Variants in FRY observed in about 807,000 individuals in gnomAD.
FRY encodes protein furry homolog.
Under a neutral mutation model 348.4 loss-of-function variants are expected in FRY, and 128 were observed. The observed-to-expected ratio is 0.37, with a 90% CI of 0.32 to 0.43. The LOEUF (loss-of-function observed/expected upper bound fraction) is 0.43. Ranked by LOEUF, FRY falls within the 20% of genes least tolerant of loss-of-function variation. FRY has a pLI of 1.00. For missense variants in FRY, 2,736 were observed against 3,695.2 expected, an observed-to-expected ratio of 0.74 and a Z score of 6.73; for synonymous variants, 1,370 against 1,374.7, an observed-to-expected ratio of 1.00 and a Z score of 0.08.
intron 7 of FRY, among the ~76,000 whole-genome samples, chr13:32,129,586 T>C (rs532091526): frequency 4.4e-4 from 67 of 152,292 alleles, no homozygotes; most frequent in African/African-American, 1.5e-3. Flanking sequence ...GGGTATTCTG[T>C]AGAAGTCCAC....
chr13:32,034,920 A>T (rs1872430713), intron 1 of FRY, among the ~76,000 whole-genome samples: 1 of 152,242 alleles, frequency 6.6e-6, no homozygotes, highest in South Asian at 2.1e-4. Context: ...TAAAAATGGC[A>T]GGGCCAAATG....
chr13:32,225,928 G>A lies in FRY; in HGVS notation c.5160G>A (p.Lys1720=). 2 of 1,614,142 alleles carry A rather than the reference G, an allele frequency of 1.2e-6. No homozygotes were observed. The highest frequency in any genetic ancestry group is 4.5e-5 in the East Asian group (2 of 44,884). The change falls in exon 39 of 61, where the codon AAG becomes AAA. Residue 1720 remains lysine, a synonymous_variant. Coordinates refer to ENST00000542859, the MANE Select transcript of FRY (RefSeq NM_023037.3). ...LLQTREMGEA[K]TLTVQPAYQP... Reference sequence around the variant, plus strand: ...AGACCCGAGAGATGGGTGAAGCTAAGACTCTAACCGTGCAGCCAGCCTACC... The same window carrying A: ...AGACCCGAGAGATGGGTGAAGCTAAAACTCTAACCGTGCAGCCAGCCTACC...
intron 2 of FRY, among the ~76,000 whole-genome samples, chr13:32,081,923 A>G (rs907620634): frequency 2.0e-5 from 3 of 152,230 alleles, no homozygotes; most frequent in Non-Finnish European, 4.4e-5. Flanking sequence ...TTTTACAAAG[A>G]CATTGAATGC....
intron 3 of FRY, among the ~76,000 whole-genome samples, chr13:32,105,641 C>T (rs1877488113): frequency 6.6e-6 from 1 of 152,130 alleles, no homozygotes; most frequent in East Asian, 1.9e-4. Context: ...GGAGATGCCA[C>T]CTTGAGTGGT....
chr13:32,083,856 C>A (rs752933934), intron 2 of FRY, among the ~76,000 whole-genome samples: 2 of 151,996 alleles, frequency 1.3e-5, no homozygotes, highest in African/African-American at 2.4e-5. Flanking sequence ...ATCTTATTTT[C>A]TATGTCCCAC....
At chr13:32,109,551 A>G (rs959579536) in intron 3 of FRY, among the ~76,000 whole-genome samples, 1 of 152,308 alleles carries the variant, frequency 6.6e-6, no homozygotes, top group South Asian at 2.1e-4. Flanking sequence ...GCCAGGCAGC[A>G]GGGGTCTCAC....
intron 2 of FRY, among the ~76,000 whole-genome samples, chr13:32,079,728 A>G (rs1181167579): frequency 6.6e-6 from 1 of 152,194 alleles, no homozygotes; most frequent in East Asian, 1.9e-4. Flanking sequence ...TCCAAAGGAC[A>G]GTCAGGAAGG....
At chr13:32,180,337 C>T (rs551355052) in intron 23 of FRY, among the ~76,000 whole-genome samples, 1 of 152,096 alleles carries the variant, frequency 6.6e-6, no homozygotes, top group South Asian at 2.1e-4. Flanking sequence ...TGGATTCAAG[C>T]GATTCTCCTG....
intron 1 of FRY, among the ~76,000 whole-genome samples, chr13:32,060,006 T>C (rs1873851639): frequency 6.6e-6 from 1 of 152,250 alleles, no homozygotes; most frequent in Non-Finnish European, 1.5e-5. Flanking sequence ...ATTTTCTTTC[T>C]TCCTGTGAAT....
chr13:32,134,819 G>T (rs1183811491), intron 8 of FRY, 85 bp from the exon 9 acceptor site: 1 of 831,340 alleles, frequency 1.2e-6, no homozygotes. Context: ...TGAATTAAGA[G>T]CTACTTACTG....
intron 1 of FRY, among the ~76,000 whole-genome samples, chr13:32,033,110 G>T (rs926939382): frequency 6.6e-6 from 1 of 152,176 alleles, no homozygotes; most frequent in African/African-American, 2.4e-5. Flanking sequence ...CTTGTCTGAA[G>T]CTGTTTTTCT....
At position 32,295,747 on chromosome 13, in the gene FRY, C is replaced by A; in HGVS notation, c.*287C>A. 2.0e-6 allele frequency: 1 copy of A among 511,972 alleles called. No individual in the cohort carries two copies. Among genetic ancestry groups the A allele is most frequent in the Non-Finnish European group, 3.5e-6 (1 of 282,740 alleles). 31.7% of individuals were successfully genotyped at this position (511,972 alleles called of 1,614,324 possible). ...AACTCGCTACTGAAGAAGTGACTTC[C>A]GTTGCATACCAAAGCCGACTACACT... On this transcript the variant is annotated 3_prime_UTR_variant, in exon 61 of 61. Coordinates refer to ENST00000542859, the MANE Select transcript of FRY (RefSeq NM_023037.3).
At chr13:32,113,195 C>T (rs1231171083) in intron 3 of FRY, among the ~76,000 whole-genome samples, 4 of 152,110 alleles carry the variant, frequency 2.6e-5, no homozygotes, top group South Asian at 2.1e-4. Context: ...CAGTGAGTAT[C>T]GTGGCCCTCA....
chr13:32,094,452 T>C (rs930557302), intron 2 of FRY, among the ~76,000 whole-genome samples: 4 of 152,068 alleles, frequency 2.6e-5, no homozygotes, highest in Non-Finnish European at 4.4e-5. Flanking sequence ...TACTAGGTCT[T>C]ATTCATTCTT....
intron 1 of FRY, among the ~76,000 whole-genome samples, chr13:32,042,244 A>G (rs1168195479): frequency 6.6e-6 from 1 of 152,182 alleles, no homozygotes; most frequent in Non-Finnish European, 1.5e-5. Context: ...AGAAAAAAAT[A>G]CAAACTGGAA....
intron 60 of FRY, 90 bp from the exon 61 acceptor site, chr13:32,295,112 A>G: frequency 8.4e-7 from 1 of 1,186,702 alleles, no homozygotes. Flanking sequence ...CCTTTTTAAA[A>G]AGTAATACTC....
At chr13:32,193,402 C>T (rs570127033) in intron 28 of FRY, among the ~76,000 whole-genome samples, 12 of 151,868 alleles carry the variant, frequency 7.9e-5, no homozygotes, top group Middle Eastern at 3.4e-3. Context: ...ATCACTATTC[C>T]TACTGGCATC....
chr13:32,228,737 A>G (rs1885748691), intron 40 of FRY, 83 bp downstream of exon 40: 10 of 1,157,846 alleles, frequency 8.6e-6, no homozygotes, highest in Non-Finnish European at 1.0e-5. Flanking sequence ...ACAGATGGAA[A>G]AGTGATCCTG....
intron 31 of FRY, among the ~76,000 whole-genome samples, chr13:32,207,702 A>G (rs1026222693): frequency 3.3e-5 from 5 of 152,238 alleles, no homozygotes; most frequent in African/African-American, 4.8e-5. Context: ...GTGATATAAC[A>G]TTATGGTCTC....
Sources: gnomAD v4.1 joint callset for allele counts (sites outside exome capture counted in the v4.1 genomes callset) on GRCh38, gnomAD v4.1.1 for gene constraint, MANE v1.5 for transcripts, NCBI Gene and HGNC (gene_info 2026-07-23, HGNC 2026-07-21) for gene names.